Variants in LRRC7 observed in about 807,000 individuals in gnomAD.
LRRC7 encodes leucine-rich repeat-containing protein 7.
In LRRC7, 23 loss-of-function variants were observed where a neutral mutation model predicts 175.7. The ratio of observed to expected loss-of-function variants is 0.13; its 90% CI spans 0.09 to 0.19. LRRC7 has a LOEUF of 0.19. Among genes scored for constraint, LRRC7 ranks in the 10% least tolerant of loss-of-function variants. The pLI is 1.00. For synonymous variants in LRRC7, 685 were observed against 680.9 expected (o/e 1.01, Z -0.09); for missense variants, 1,354 against 1,904.7 (o/e 0.71, Z 5.38).
intron 4 of LRRC7, among the ~76,000 whole-genome samples, chr1:69,808,618 C>T (rs1437408135): frequency 1.3e-5 from 2 of 152,142 alleles, no homozygotes; most frequent in African/African-American, 4.8e-5. Flanking sequence ...TCACTCAAAA[C>T]TGCACAACTA....
chr1:69,775,228 G>A (rs1037481152), intron 3 of LRRC7, among the ~76,000 whole-genome samples: 1 of 152,154 alleles, frequency 6.6e-6, no homozygotes, highest in African/African-American at 2.4e-5. Context: ...AAGGTAAAAA[G>A]TAAAAATGTA....
chr1:69,889,315 T>G (rs1247188848), intron 7 of LRRC7, among the ~76,000 whole-genome samples: 1 of 152,218 alleles, frequency 6.6e-6, no homozygotes, highest in Non-Finnish European at 1.5e-5. Flanking sequence ...TCTTTCTCTT[T>G]AAGATGCTAA....
intron 8 of LRRC7, among the ~76,000 whole-genome samples, chr1:69,968,103 TA>T (rs1456175309): frequency 1.3e-5 from 2 of 151,782 alleles, no homozygotes; most frequent in African/African-American, 4.8e-5. Context: ...ATAGCATAAA[TA>T]AAAAATAATC....
At chr1:69,788,913 G>A (rs935998426) in intron 3 of LRRC7, among the ~76,000 whole-genome samples, 1 of 152,134 alleles carries the variant, frequency 6.6e-6, no homozygotes, top group Admixed American at 6.5e-5. Flanking sequence ...GAATATTAAA[G>A]TATAAAGAAT....
chr1:69,944,705 A>G (rs1649121395), intron 8 of LRRC7, among the ~76,000 whole-genome samples: 2 of 151,720 alleles, frequency 1.3e-5, no homozygotes, highest in Admixed American at 1.3e-4. Context: ...AATGTTCGTT[A>G]TAACAACTGT....
intron 26 of LRRC7, among the ~76,000 whole-genome samples, chr1:70,111,311 T>C (rs1571352092): frequency 6.6e-6 from 1 of 152,190 alleles, no homozygotes; most frequent in Non-Finnish European, 1.5e-5. Flanking sequence ...TAAGGGATGA[T>C]GTTAATTAAA....
At chr1:69,721,950 C>T (rs570123842) in intron 2 of LRRC7, among the ~76,000 whole-genome samples, 3 of 151,656 alleles carry the variant, frequency 2.0e-5, no homozygotes, top group African/African-American at 7.3e-5. Flanking sequence ...GCAAAAAAAT[C>T]ATCTTTAATA....
rs1478597846 is a variant in LRRC7, at chr1:70,140,737, C to CAA, written c.*18851_*18852dup. 110 of 152,238 alleles carry CAA rather than the reference C, an allele frequency of 7.2e-4. No individual in the cohort carries two copies. Among genetic ancestry groups the CAA allele is most frequent in the African/African-American group, 2.6e-3 (109 of 41,562 alleles). 9.4% of individuals were successfully genotyped at this position (152,238 alleles called of 1,614,324 possible). ...AACCAGGCTTGAGAAAAAAAGCATT[C>CAA]AAGGGCCCTGCCCAGTATCTCTTTA... On this transcript the variant is annotated 3_prime_UTR_variant, in exon 27 of 27. Coordinates refer to ENST00000651989, the MANE Select transcript of LRRC7 (RefSeq NM_001370785.2).
At chr1:70,068,513 T>C (rs1662140087) in intron 23 of LRRC7, among the ~76,000 whole-genome samples, 1 of 152,202 alleles carries the variant, frequency 6.6e-6, no homozygotes, top group Admixed American at 6.6e-5. Flanking sequence ...AATATTTTAT[T>C]AAGGATTTGT....
At chr1:70,059,990 C>T (rs1246166991) in intron 23 of LRRC7, among the ~76,000 whole-genome samples, 2 of 151,910 alleles carry the variant, frequency 1.3e-5, no homozygotes, top group African/African-American at 2.4e-5. Flanking sequence ...TAAATAAATA[C>T]ATTTTATTAT....
intron 8 of LRRC7, among the ~76,000 whole-genome samples, chr1:69,939,035 A>ATC (rs1295815608): frequency 3.4e-4 from 33 of 97,626 alleles, no homozygotes; most frequent in African/African-American, 1.1e-3. Flanking sequence ...ATATATCTAT[A>ATC]TATATCTATA....
rs1161027339 is a variant in LRRC7, at chr1:70,124,079, A to G, written c.*2192A>G. On this transcript the variant is annotated 3_prime_UTR_variant, in exon 27 of 27. Transcript: ENST00000651989. ...CTCCTGATGTGACAACATTGTCCTG[A>G]GCCACTTCTTTAGTACTTCCTGTTC... 6.6e-6 allele frequency among the ~76,000 whole-genome samples: 1 copy of G among 152,176 alleles called. No homozygotes were observed. The highest frequency in any genetic ancestry group is 1.5e-5 in the Non-Finnish European group (1 of 68,006).
intron 1 of LRRC7, among the ~76,000 whole-genome samples, chr1:69,584,755 C>T (rs1646339981): frequency 6.6e-6 from 1 of 152,132 alleles, no homozygotes; most frequent in East Asian, 1.9e-4. Context: ...TCTTATGAGG[C>T]ATAGGAAAAC....
intron 8 of LRRC7, among the ~76,000 whole-genome samples, chr1:69,948,652 C>G (rs957216796): frequency 2.0e-4 from 30 of 152,112 alleles, no homozygotes; most frequent in African/African-American, 7.2e-4. Flanking sequence ...CTCTGCACGA[C>G]TGAATAATCA....
intron 2 of LRRC7, among the ~76,000 whole-genome samples, chr1:69,745,076 G>A (rs1397608829): frequency 6.6e-6 from 1 of 151,872 alleles, no homozygotes; most frequent in Non-Finnish European, 1.5e-5. Flanking sequence ...TTATCAAAAT[G>A]AGACAGTTCC....
rs930652187 is a variant in LRRC7 at position 69,931,386 on chromosome 1, A to C, written c.648-121A>C. On this transcript the variant is annotated intron_variant, in intron 7 of 26. Transcript: ENST00000651989. ...ATTTGAGATTTACTTGTTGCTGAAGAGTACCCCCAGTTTTGTGTACTACGC... is the reference window on the plus strand; with the variant it reads ...ATTTGAGATTTACTTGTTGCTGAAGCGTACCCCCAGTTTTGTGTACTACGC... 5.8e-6 allele frequency: 4 copies of C among 692,192 alleles called. No homozygotes were observed. In the African/African-American group the frequency reaches 7.1e-5, roughly 12 times the overall value. 42.9% of individuals were successfully genotyped at this position (692,192 alleles called of 1,614,324 possible). A position where few individuals can be genotyped will look rare whatever the true frequency, so the allele number is the denominator to read the frequency against.
At chr1:69,786,569 T>C (rs559701768) in intron 3 of LRRC7, among the ~76,000 whole-genome samples, 3 of 152,288 alleles carry the variant, frequency 2.0e-5, no homozygotes, top group South Asian at 2.1e-4. Flanking sequence ...GTTGGACTTA[T>C]GGTTCTACGT....
chr1:69,586,495 T>C (rs1200869064), intron 1 of LRRC7, among the ~76,000 whole-genome samples: 5 of 151,960 alleles, frequency 3.3e-5, no homozygotes, highest in African/African-American at 1.2e-4. Context: ...GGGGAGATTT[T>C]CAATGTGGCG....
intron 26 of LRRC7, among the ~76,000 whole-genome samples, chr1:70,114,300 TA>T (rs1322535565): frequency 5.3e-5 from 8 of 152,168 alleles, no homozygotes; most frequent in African/African-American, 1.9e-4. Context: ...AATAATTGCT[TA>T]TAATGATATA....
Sources: gnomAD v4.1 joint callset for allele counts (sites outside exome capture counted in the v4.1 genomes callset) on GRCh38, gnomAD v4.1.1 for gene constraint, MANE v1.5 for transcripts, NCBI Gene and HGNC (gene_info 2026-07-23, HGNC 2026-07-21) for gene names.